Variants in KDM3B observed in about 807,000 individuals in gnomAD.
KDM3B encodes lysine-specific demethylase 3B.
In KDM3B, 10 loss-of-function variants were observed where a neutral mutation model predicts 170.0. The observed-to-expected ratio is 0.06, with a 90% CI of 0.04 to 0.10. The LOEUF is 0.10. KDM3B is among the 10% of genes least tolerant of loss of function. The probability of loss-of-function intolerance (pLI) is 1.00; values close to 1 mark genes in which losing one functional copy is unlikely to be tolerated. For missense variants in KDM3B, 1,394 were observed against 2,195.2 expected, an observed-to-expected ratio of 0.64 and a Z score of 7.29; for synonymous variants, 831 against 834.8, an observed-to-expected ratio of 1.00 and a Z score of 0.08.
intron 6 of KDM3B, among the ~76,000 whole-genome samples, chr5:138,385,443 G>A (rs1762233378): frequency 6.6e-6 from 1 of 152,210 alleles, no homozygotes; most frequent in African/African-American, 2.4e-5. Context: ...ATGTTGGCCA[G>A]GATGGTCTCA....
intron 6 of KDM3B, 47 bp downstream of exon 6, chr5:138,381,637 A>G (rs2126935250): frequency 8.3e-7 from 1 of 1,211,984 alleles, no homozygotes; most frequent in Non-Finnish European, 1.2e-6. Context: ...AGCTTGCATT[A>G]TCTTGCTGTG....
Position 138,357,698 on chromosome 5 carries a change from A to C in KDM3B, c.192+4711A>C, listed in dbSNP as rs192788425. ...ATTTTTACCTTTAGATTTTTGGTAC[A>C]TCTGGAATTTATTTTTTTATTTTTA... On this transcript the variant is annotated intron_variant, in intron 1 of 23. Transcript: ENST00000314358. 2.7e-3 allele frequency among the ~76,000 whole-genome samples: 406 copies of C among 151,748 alleles called. 3 individuals carry two copies. The highest frequency in any genetic ancestry group is 0.01 in the Middle Eastern group (3 of 288).
intron 6 of KDM3B, among the ~76,000 whole-genome samples, chr5:138,384,733 C>G (rs981881518): frequency 1.6e-5 from 2 of 122,346 alleles, no homozygotes; most frequent in African/African-American, 6.2e-5. Flanking sequence ...GAGCGAAACT[C>G]TTGTCTCAAA....
chr5:138,419,682 T>C (rs1188668310), intron 14 of KDM3B, among the ~76,000 whole-genome samples: 2 of 134,042 alleles, frequency 1.5e-5, no homozygotes, highest in African/African-American at 5.6e-5. Flanking sequence ...TATATATATA[T>C]ATATATACAT....
At position 138,352,922 on chromosome 5, in the gene KDM3B, C is replaced by T. The variant is rs746544536; in HGVS notation, c.127C>T (p.Arg43Cys). The change falls in exon 1 of 24, where the codon CGC becomes TGC. Residue 43 changes from arginine (R) to cysteine (C), a missense_variant. Arg to Cys is a radical substitution (Grantham distance 180). Transcript: ENST00000314358. ...AASGDPGPAL[R>C]TRAWRAGTVR... ...GAGCGGAGATCCGGGGCCTGCGCTG[C>T]GCACTCGAGCCTGGCGGGCCGGCAC... 1.3e-5 allele frequency: 18 copies of T among 1,338,628 alleles called. No individual in the cohort carries two copies. In the East Asian group the frequency reaches 4.8e-4, roughly 35 times the overall value. The allele number at this position is 1,338,628 out of a possible 1,614,324, so 82.9% of individuals were successfully genotyped here.
At position 138,402,221 on chromosome 5, in the gene KDM3B, G is replaced by A. The variant is rs1157847887; in HGVS notation, c.3199+2209G>A. On this transcript the variant is annotated intron_variant, in intron 11 of 23. Coordinates refer to ENST00000314358, the MANE Select transcript of KDM3B (RefSeq NM_016604.4). ...TTATAGGTGTGAATCACTGTGCCCA[G>A]CCATTTGTTTATTTTCTTAGGAAAA... 2.0e-5 allele frequency among the ~76,000 whole-genome samples: 3 copies of A among 152,116 alleles called. No homozygotes were observed. The East Asian group carries it at 5.8e-4, about 29-fold the overall frequency.
At chr5:138,389,539 G>T (rs911035506) in intron 7 of KDM3B, among the ~76,000 whole-genome samples, 12 of 152,026 alleles carry the variant, frequency 7.9e-5, no homozygotes, top group African/African-American at 2.9e-4. Context: ...GCGAAACTAT[G>T]AAGACTATCT....
At chr5:138,422,430 A>C (rs1763294549) in intron 15 of KDM3B, among the ~76,000 whole-genome samples, 1 of 152,190 alleles carries the variant, frequency 6.6e-6, no homozygotes, top group Non-Finnish European at 1.5e-5. Flanking sequence ...TGAGGTCAGG[A>C]GTTCGAGACT....
chr5:138,409,957 C>G (rs1320053413), intron 11 of KDM3B, among the ~76,000 whole-genome samples: 1 of 151,872 alleles, frequency 6.6e-6, no homozygotes, highest in Admixed American at 6.6e-5. Flanking sequence ...CATGGTGGCA[C>G]ATGCCTGTAA....
In KDM3B at chr5:138,425,599, T is replaced by A. The variant is rs761070571; in HGVS notation, c.4411+17T>A. On this transcript the variant is annotated intron_variant, in intron 17 of 23. Coordinates refer to ENST00000314358, the MANE Select transcript of KDM3B (RefSeq NM_016604.4). ...TCATATGCAGTAAGTAGCTTTCATATCTAGTTCAGTGATAGCAGACTGGAA... is the reference window on the plus strand; with the variant it reads ...TCATATGCAGTAAGTAGCTTTCATAACTAGTTCAGTGATAGCAGACTGGAA... The A allele has an allele frequency of 4.3e-6, 7 of 1,609,516 alleles. No homozygotes were observed. Among genetic ancestry groups the A allele is most frequent in the Non-Finnish European group, 5.9e-6 (7 of 1,176,594 alleles).
chr5:138,390,616 A>G (rs1346118763), intron 7 of KDM3B, among the ~76,000 whole-genome samples: 1 of 152,242 alleles, frequency 6.6e-6, no homozygotes, highest in African/African-American at 2.4e-5. Flanking sequence ...AGATATATTA[A>G]TATTACAGGG....
Position 138,370,120 on chromosome 5 carries a change from A to G in KDM3B, c.193-2554A>G, listed in dbSNP as rs534851878. Among the ~76,000 whole-genome samples, 3 of 152,318 alleles carry G rather than the reference A, an allele frequency of 2.0e-5. No individual in the cohort carries two copies. In the East Asian group the frequency reaches 5.8e-4, roughly 29 times the overall value. ...CAGGGGCTATGTCTTATTCCCCTAC[A>G]ACATGTATGTATGAATGAGCCTATT... On this transcript the variant is annotated intron_variant, in intron 1 of 23. Coordinates refer to ENST00000314358, the MANE Select transcript of KDM3B (RefSeq NM_016604.4).
intron 11 of KDM3B, among the ~76,000 whole-genome samples, chr5:138,406,641 TA>T (rs920380398): frequency 6.7e-6 from 1 of 149,760 alleles, no homozygotes; most frequent in East Asian, 1.9e-4. Flanking sequence ...TCTGTCTCAA[TA>T]AAAAAAAAGA....
chr5:138,370,784 T>G (rs1024423876), intron 1 of KDM3B, among the ~76,000 whole-genome samples: 4 of 151,902 alleles, frequency 2.6e-5, no homozygotes, highest in Non-Finnish European at 5.9e-5. Context: ...TACTTAGTGT[T>G]GCCTTAAGAA....
At chr5:138,415,797 A>T (rs576357472) in intron 12 of KDM3B, among the ~76,000 whole-genome samples, 1 of 151,648 alleles carries the variant, frequency 6.6e-6, no homozygotes, top group Non-Finnish European at 1.5e-5. Context: ...GCCACTGCAC[A>T]CTCTGCTCCC....
rs370220744 is a variant in KDM3B at position 138,422,149 on chromosome 5, G to A, written c.3972+1187G>A. On this transcript the variant is annotated intron_variant, in intron 15 of 23. Transcript: ENST00000314358. ...TCACACTGTCAGTTCTGCACATACC[G>A]ATTTTCCCTGCTTTGTTTTTTTCAC... Among the ~76,000 whole-genome samples, 7 of 151,954 alleles carry A rather than the reference G, an allele frequency of 4.6e-5. No homozygotes were observed. The East Asian group carries it at 1.2e-3, about 25-fold the overall frequency.
chr5:138,392,238 G>A lies in KDM3B; in HGVS notation c.2606G>A (p.Arg869Gln), dbSNP rs1433657420. The A allele has an allele frequency of 3.3e-6, 5 of 1,497,630 alleles. No individual in the cohort carries two copies. Among genetic ancestry groups the A allele is most frequent in the Middle Eastern group, 2.2e-4 (1 of 4,486 alleles). The allele number at this position is 1,497,630 out of a possible 1,614,324, so 92.8% of individuals were successfully genotyped here. The change falls in exon 8 of 24, where the codon CGG becomes CAG. Residue 869 changes from arginine to glutamine, a missense_variant. By Grantham distance (43) the Arg-to-Gln change is conservative. Transcript: ENST00000314358. ...KSKGKQAPKGRPRTAPLKVGQ... is the reference protein window; with the variant it reads ...KSKGKQAPKGQPRTAPLKVGQ... ...AAAGGGAAGCAGGCCCCCAAGGGCC[G>A]GCCTCGGACTGCCCCCCTGAAAGGT...
intron 2 of KDM3B, among the ~76,000 whole-genome samples, chr5:138,373,892 C>G (rs1761933647): frequency 6.6e-6 from 1 of 152,206 alleles, no homozygotes; most frequent in Non-Finnish European, 1.5e-5. Flanking sequence ...TTTCATGTGG[C>G]TAACCAAATT....
At position 138,431,414 on chromosome 5, in the gene KDM3B, G is replaced by A; in HGVS notation, c.5071-11G>A. 6.3e-7 allele frequency: 1 copy of A among 1,581,162 alleles called. No individual in the cohort carries two copies. The highest frequency in any genetic ancestry group is 8.6e-7 in the Non-Finnish European group (1 of 1,161,704). ...GTCTGATATTTCTCCTCTGCACTTT[G>A]CCCTTCTCAGGTTCACAATCTATAC... On this transcript the variant is annotated splice_polypyrimidine_tract_variant and intron_variant, in intron 22 of 23. Coordinates refer to ENST00000314358, the MANE Select transcript of KDM3B (RefSeq NM_016604.4).
Sources: allele counts gnomAD v4.1 joint callset (sites outside exome capture counted in the v4.1 genomes callset), GRCh38; gene constraint gnomAD v4.1.1; transcripts MANE v1.5; gene names NCBI Gene and HGNC (gene_info 2026-07-23, HGNC 2026-07-21).